The following NEBL variants were observed in gnomAD, a reference collection of about 807,000 sequenced individuals.
NEBL encodes nebulette, also known as LIM and SH3 protein 2.
In NEBL, 122 loss-of-function variants were observed where a neutral mutation model predicts 140.2. That is an observed-to-expected ratio of 0.87 (90% CI 0.75 to 1.01). The LOEUF (loss-of-function observed/expected upper bound fraction) is 1.01, where lower values mean the gene tolerates loss of function less well. Ranked by LOEUF, NEBL falls within the 50% of genes least tolerant of loss-of-function variation. The pLI is 0.00. For synonymous variants in NEBL, 436 were observed against 398.9 expected, an observed-to-expected ratio of 1.09 and a Z score of -1.11; for missense variants, 1,365 against 1,231.3, an observed-to-expected ratio of 1.11 and a Z score of -1.62.
At chr10:20,933,771 C>T (rs1295197670) in intron 4 of NEBL, among the ~76,000 whole-genome samples, 1 of 152,076 alleles carries the variant, frequency 6.6e-6, no homozygotes, top group Non-Finnish European at 1.5e-5. Flanking sequence ...TAAGAAAATA[C>T]AATAAAGCCT....
intron 2 of NEBL, among the ~76,000 whole-genome samples, chr10:21,248,998 C>T (rs1245551804): frequency 6.6e-6 from 1 of 151,226 alleles, no homozygotes; most frequent in Admixed American, 6.6e-5. Context: ...TATTTAAGTC[C>T]TTTGCTCATT....
At chr10:20,864,805 C>G (rs1270437529) in intron 7 of NEBL, among the ~76,000 whole-genome samples, 1 of 152,108 alleles carries the variant, frequency 6.6e-6, no homozygotes, top group Non-Finnish European at 1.5e-5. Context: ...ATTGATATAC[C>G]TGAAAATACA....
At chr10:21,166,767 A>G (rs1840796680) in intron 2 of NEBL, among the ~76,000 whole-genome samples, 1 of 152,224 alleles carries the variant, frequency 6.6e-6, no homozygotes, top group Non-Finnish European at 1.5e-5. Context: ...TCTAGCTCCA[A>G]AACTCCAATT....
intron 16 of NEBL, among the ~76,000 whole-genome samples, chr10:20,829,889 T>C (rs775377789): frequency 6.6e-6 from 1 of 152,182 alleles, no homozygotes; most frequent in Non-Finnish European, 1.5e-5. Context: ...CATGTCTAGT[T>C]TTGCCTGCAA....
chr10:21,020,161 G>T, exon 3 of NEBL: 1 of 1,614,134 alleles, frequency 6.2e-7, no homozygotes. Flanking sequence ...AGATTTTCAG[G>T]TGTATCTGCC....
chr10:20,869,945 G>C (rs1020437552), intron 5 of NEBL, 104 bp from the exon 6 acceptor site: 21 of 825,092 alleles, frequency 2.5e-5, no homozygotes, highest in East Asian at 1.3e-4. Context: ...TAATAGCTTA[G>C]AGAGCCTACT....
At chr10:21,194,613 A>G (rs1841621209) in intron 3 of NEBL, among the ~76,000 whole-genome samples, 1 of 152,174 alleles carries the variant, frequency 6.6e-6, no homozygotes, top group African/African-American at 2.4e-5. Context: ...AAGCCACTAT[A>G]TGGGCCAGCA....
At chr10:21,252,201 A>G (rs913625473) in intron 1 of NEBL, among the ~76,000 whole-genome samples, 12 of 152,246 alleles carry the variant, frequency 7.9e-5, no homozygotes, top group African/African-American at 2.9e-4. Flanking sequence ...CTGGTTTTCA[A>G]TAGTCTTGCT....
chr10:20,787,300 G>T lies in NEBL; in HGVS notation c.2770C>A (p.Leu924Ile). 6.2e-7 allele frequency: 1 copy of T among 1,612,280 alleles called. No homozygotes were observed. Among genetic ancestry groups the T allele is most frequent in the Non-Finnish European group, 8.5e-7 (1 of 1,178,856 alleles). ...TGGCTTTGCTGATAGGCTCCGGGAA[G>T]AACAGGTGCTGCATGTTAAACATAC... Reference protein sequence around the residue: ...TRPSDEGAPVLPGAYQQSHSQ... With the variant: ...TRPSDEGAPVIPGAYQQSHSQ... Residue 924 changes from leucine to isoleucine, a missense_variant, in exon 27 of 28, where the codon CTT (leucine) becomes ATT (isoleucine). Physicochemically the swap from Leu to Ile is conservative, Grantham distance 5. Coordinates refer to ENST00000377122, the MANE Select transcript of NEBL (RefSeq NM_006393.3).
chr10:21,212,248 A>G (rs1841930228), intron 3 of NEBL, among the ~76,000 whole-genome samples: 1 of 152,102 alleles, frequency 6.6e-6, no homozygotes, highest in African/African-American at 2.4e-5. Context: ...GTTACATATA[A>G]TATACATATA....
At chr10:20,856,726 C>T (rs550601939) in intron 9 of NEBL, among the ~76,000 whole-genome samples, 1 of 152,288 alleles carries the variant, frequency 6.6e-6, no homozygotes, top group East Asian at 1.9e-4. Flanking sequence ...CCAGATATTC[C>T]TCTAACCTCC....
upstream of NEBL, among the ~76,000 whole-genome samples, chr10:20,900,844 C>CAA (rs1356724322): frequency 1.5e-5 from 1 of 64,960 alleles, no homozygotes; most frequent in African/African-American, 4.3e-5. Context: ...GACTCCATCC[C>CAA]GAAAAAAAAA....
At chr10:20,859,338 C>T (rs1360380507) in intron 8 of NEBL, among the ~76,000 whole-genome samples, 1 of 151,916 alleles carries the variant, frequency 6.6e-6, no homozygotes, top group African/African-American at 2.4e-5. Flanking sequence ...TGATAAATTA[C>T]CATGTACCAG....
At chr10:21,151,710 C>T (rs1033370273) in intron 2 of NEBL, among the ~76,000 whole-genome samples, 1 of 151,352 alleles carries the variant, frequency 6.6e-6, no homozygotes, top group African/African-American at 2.5e-5. Flanking sequence ...CCACACGCCC[C>T]AGGTTCACTC....
intron 2 of NEBL, among the ~76,000 whole-genome samples, chr10:20,892,476 C>T (rs1170695882): frequency 6.6e-6 from 1 of 152,192 alleles, no homozygotes. Flanking sequence ...TACCTCCGGG[C>T]TTTATATGTG....
chr10:20,835,012 C>A (rs1416076646), intron 14 of NEBL, among the ~76,000 whole-genome samples: 1 of 152,140 alleles, frequency 6.6e-6, no homozygotes, highest in Admixed American at 6.6e-5. Context: ...GACCTCCATC[C>A]AAAATGCTGA....
intron 3 of NEBL, among the ~76,000 whole-genome samples, chr10:20,888,879 GACAA>G (rs1325564391): frequency 1.3e-5 from 2 of 152,190 alleles, no homozygotes; most frequent in East Asian, 1.9e-4. Context: ...ACATAGCTAA[GACAA>G]ACAAACTATG....
intron 25 of NEBL, among the ~76,000 whole-genome samples, chr10:20,808,997 T>C (rs1314019849): frequency 6.6e-6 from 1 of 152,238 alleles, no homozygotes; most frequent in Non-Finnish European, 1.5e-5. Flanking sequence ...TCACCAGATA[T>C]ATAGTATGTG....
intron 10 of NEBL, among the ~76,000 whole-genome samples, chr10:20,851,493 T>C (rs1842509852): frequency 6.6e-6 from 1 of 151,702 alleles, no homozygotes; most frequent in East Asian, 1.9e-4. Context: ...CTTTGTGAAA[T>C]GGCCGGGTGC....
Sources: allele counts gnomAD v4.1 joint callset (sites outside exome capture counted in the v4.1 genomes callset), GRCh38; gene constraint gnomAD v4.1.1; transcripts MANE v1.5; gene names NCBI Gene and HGNC (gene_info 2026-07-23, HGNC 2026-07-21).